Variants in FLT1 observed in about 807,000 individuals in gnomAD.
The protein encoded by FLT1 is fms related receptor tyrosine kinase 1.
FLT1 carries 49 observed loss-of-function variants against 156.3 expected under a neutral mutation model. The observed-to-expected ratio is 0.31, with a 90% confidence interval of 0.25 to 0.40. The LOEUF (loss-of-function observed/expected upper bound fraction) is 0.40, where lower values mean the gene tolerates loss of function less well. Among genes scored for constraint, FLT1 ranks in the 10% least tolerant of loss-of-function variants. The pLI is 1.00. For missense variants in FLT1, 1,322 were observed against 1,637.2 expected (o/e 0.81, Z 3.32); for synonymous variants, 594 against 583.8 (o/e 1.02, Z -0.25).
In FLT1 at chr13:28,488,249, A is replaced by T. The variant is rs368567076; in HGVS notation, c.64+6531T>A. On this transcript the variant is annotated intron_variant, in intron 1 of 29. Transcript: ENST00000282397. ...CCTGTCTCTACAAAAAACACAAAAAAATTAGCTGAGCATGGTGGTACATGC... is the reference window on the plus strand; with the variant it reads ...CCTGTCTCTACAAAAAACACAAAAATATTAGCTGAGCATGGTGGTACATGC... Among the ~76,000 whole-genome samples the T allele has an allele frequency of 5.3e-3, 801 of 152,260 alleles. 9 individuals carry two copies. The highest frequency in any genetic ancestry group is 0.019 in the African/African-American group (769 of 41,550).
At chr13:28,348,338 C>T (rs1320071820) in intron 15 of FLT1, among the ~76,000 whole-genome samples, 1 of 152,192 alleles carries the variant, frequency 6.6e-6, no homozygotes, top group African/African-American at 2.4e-5. Flanking sequence ...GGATAAAAGT[C>T]CAAATCCTTA....
chr13:28,385,965 C>T, intron 13 of FLT1: 1 of 1,050,566 alleles, frequency 9.5e-7, no homozygotes, highest in Non-Finnish European at 1.1e-6. Context: ...ATAAAAACAA[C>T]TCCTAATGTC....
intron 10 of FLT1, among the ~76,000 whole-genome samples, chr13:28,411,345 G>T (rs972847372): frequency 6.6e-6 from 1 of 151,682 alleles, no homozygotes; most frequent in Non-Finnish European, 1.5e-5. Context: ...CTGAGGTTGG[G>T]AGTTCGAGAC....
chr13:28,329,535 GAGA>G (rs906926078), intron 19 of FLT1, 77 bp downstream of exon 19: 2 of 1,005,866 alleles, frequency 2.0e-6, no homozygotes, highest in Non-Finnish European at 3.1e-6. Flanking sequence ...CAGTGCGGGG[GAGA>G]AGGAGCTGTA....
intron 14 of FLT1, among the ~76,000 whole-genome samples, chr13:28,375,619 G>A (rs1873807776): frequency 1.3e-5 from 2 of 152,202 alleles, no homozygotes; most frequent in Non-Finnish European, 2.9e-5. Flanking sequence ...GGGAAGAAGA[G>A]CTACTTGCAT....
At chr13:28,449,522 T>A (rs751820996) in intron 3 of FLT1, among the ~76,000 whole-genome samples, 1 of 152,166 alleles carries the variant, frequency 6.6e-6, no homozygotes, top group Non-Finnish European at 1.5e-5. Context: ...TGGATTCATA[T>A]ACAAATTCAA....
At chr13:28,448,117 G>T (rs528960907) in intron 3 of FLT1, among the ~76,000 whole-genome samples, 1 of 152,196 alleles carries the variant, frequency 6.6e-6, no homozygotes, top group East Asian at 1.9e-4. Flanking sequence ...ACAAGTGTTG[G>T]CAAGGATGTG....
chr13:28,372,462 T>C (rs901998512), intron 14 of FLT1, among the ~76,000 whole-genome samples: 6 of 150,696 alleles, frequency 4.0e-5, no homozygotes, highest in African/African-American at 1.2e-4. Context: ...AAGATACATA[T>C]CAAACAGTTA....
chr13:28,395,795 TCATTGATGTTC>T (rs1207066643), intron 12 of FLT1, among the ~76,000 whole-genome samples: 3 of 152,218 alleles, frequency 2.0e-5, no homozygotes, highest in Non-Finnish European at 4.4e-5. Context: ...AGACAGGACT[TCATTGATGTTC>T]CTCCAAGTGC....
chr13:28,302,920 A>T lies in FLT1; in HGVS notation c.*247T>A. On this transcript the variant is annotated 3_prime_UTR_variant, in exon 30 of 30. Transcript: ENST00000282397. ...AGGGAAGTCATTGGGTTTAGGAAGG[A>T]TTTCTCTAACACTGAGTAACATGAG... 1 of 534,082 alleles carries T rather than the reference A, an allele frequency of 1.9e-6. No individual in the cohort carries two copies. 33.1% of individuals were successfully genotyped at this position (534,082 alleles called of 1,614,324 possible). A position where few individuals can be genotyped will look rare whatever the true frequency, so the allele number is the denominator to read the frequency against.
intron 17 of FLT1, among the ~76,000 whole-genome samples, chr13:28,335,805 C>T (rs934758665): frequency 3.3e-5 from 5 of 152,182 alleles, no homozygotes; most frequent in African/African-American, 1.2e-4. Flanking sequence ...TCCTTCTTCG[C>T]ATAAAATTGT....
chr13:28,384,055 T>C (rs1471626133), intron 14 of FLT1, among the ~76,000 whole-genome samples: 2 of 150,460 alleles, frequency 1.3e-5, no homozygotes, highest in African/African-American at 4.9e-5. Context: ...TGGTGTAGAT[T>C]TATGTTTTTT....
At chr13:28,438,199 G>T in intron 4 of FLT1, 22 bp downstream of exon 4, 1 of 1,610,480 alleles carries the variant, frequency 6.2e-7, no homozygotes, top group Non-Finnish European at 8.5e-7. Flanking sequence ...AGTATGCTGA[G>T]AATAGCGGTG....
In FLT1 at chr13:28,329,674, G is replaced by C; in HGVS notation, c.2648C>G (p.Thr883Ser). 1 of 1,614,212 alleles carries C rather than the reference G, an allele frequency of 6.2e-7. No individual in the cohort carries two copies. The highest frequency in any genetic ancestry group is 8.5e-7 in the Non-Finnish European group (1 of 1,180,038). The part of the protein sequence containing the change: ...KALMTELKIL[T>S]HIGHHLNVVN... ...CACGTTCAGATGGTGGCCAATGTGG[G>C]TCAAGATTTTTAGCTCAGTCATCAG... The change falls in exon 19 of 30, where the codon ACC becomes AGC. Residue 883 changes from threonine (T) to serine (S), a missense_variant. Thr to Ser is a moderately conservative substitution (Grantham distance 58). This residue lies in a region of FLT1 where 991 missense variants were observed against 1,254.8 expected (regional missense o/e 0.79). Transcript: ENST00000282397.
At chr13:28,401,529 G>T (rs979413737) in intron 11 of FLT1, among the ~76,000 whole-genome samples, 1 of 152,146 alleles carries the variant, frequency 6.6e-6, no homozygotes, top group Admixed American at 6.5e-5. Flanking sequence ...GGGCTGATGT[G>T]TCATTCAGCC....
chr13:28,466,373 G>T (rs557625604), intron 3 of FLT1, among the ~76,000 whole-genome samples: 1 of 152,194 alleles, frequency 6.6e-6, no homozygotes, highest in South Asian at 2.1e-4. Flanking sequence ...ATCTTGGTCA[G>T]TGCCAGTTCT....
intron 18 of FLT1, among the ~76,000 whole-genome samples, chr13:28,333,126 G>C (rs1009594780): frequency 6.6e-6 from 1 of 152,214 alleles, no homozygotes; most frequent in African/African-American, 2.4e-5. Flanking sequence ...GTTATTGCTA[G>C]AAGATTAAGA....
At chr13:28,460,719 G>A (rs1023294574) in intron 3 of FLT1, among the ~76,000 whole-genome samples, 1 of 124,626 alleles carries the variant, frequency 8.0e-6, no homozygotes, top group African/African-American at 3.1e-5. Context: ...CTAAATAATA[G>A]ATATGGTCTA....
At chr13:28,393,864 G>A (rs1874883806) in intron 12 of FLT1, among the ~76,000 whole-genome samples, 1 of 152,178 alleles carries the variant, frequency 6.6e-6, no homozygotes, top group Non-Finnish European at 1.5e-5. Context: ...TGGGATGACA[G>A]GCGTGAGCCA....
Sources: gnomAD v4.1 joint callset for allele counts (sites outside exome capture counted in the v4.1 genomes callset) on GRCh38, gnomAD v4.1.1 for gene constraint, gnomAD v4.1.1 regional missense constraint, MANE v1.5 for transcripts, NCBI Gene and HGNC (gene_info 2026-07-23, HGNC 2026-07-21) for gene names.